The following RECK variants were observed in gnomAD, a reference collection of about 807,000 sequenced individuals.
RECK encodes reversion-inducing cysteine-rich protein with Kazal motifs.
RECK carries 69 observed loss-of-function variants against 115.1 expected under a neutral mutation model. The ratio of observed to expected loss-of-function variants is 0.60; its 90% CI spans 0.49 to 0.73. The LOEUF (loss-of-function observed/expected upper bound fraction) is 0.73. Among genes scored for constraint, RECK ranks in the 30% least tolerant of loss-of-function variants. The pLI is 0.00. For synonymous variants in RECK, 414 were observed against 419.7 expected, an observed-to-expected ratio of 0.99 and a Z score of 0.17; for missense variants, 1,047 against 1,203.7, an observed-to-expected ratio of 0.87 and a Z score of 1.93.
chr9:36,063,699 C>A, intron 4 of RECK, 96 bp from the exon 5 acceptor site: 2 of 1,119,078 alleles, frequency 1.8e-6, no homozygotes, highest in South Asian at 1.3e-5. Flanking sequence ...TTATGGACAG[C>A]TGCTTTGACT....
At chr9:36,075,549 C>G (rs1266743779) in intron 6 of RECK, among the ~76,000 whole-genome samples, 2 of 152,136 alleles carry the variant, frequency 1.3e-5, no homozygotes, top group Non-Finnish European at 2.9e-5. Context: ...GTCATCTATA[C>G]TTTTTGACAT....
At chr9:36,092,253 A>G (rs930861281) in intron 10 of RECK, among the ~76,000 whole-genome samples, 2 of 152,202 alleles carry the variant, frequency 1.3e-5, no homozygotes. Context: ...GTAATTGTGG[A>G]GTAGCTTGTA....
chr9:36,075,902 A>AT (rs140096111), intron 6 of RECK, among the ~76,000 whole-genome samples: 3 of 151,714 alleles, frequency 2.0e-5, no homozygotes, highest in South Asian at 4.2e-4. Context: ...CAAACCTGTA[A>AT]TTTTTTTTTA....
intron 1 of RECK, among the ~76,000 whole-genome samples, chr9:36,048,759 T>G (rs1173154033): frequency 6.6e-6 from 1 of 152,202 alleles, no homozygotes; most frequent in Admixed American, 6.5e-5. Context: ...AAAACCCACA[T>G]GCCCTTCCAG....
intron 17 of RECK, among the ~76,000 whole-genome samples, chr9:36,118,025 A>G (rs1824327059): frequency 6.6e-6 from 1 of 152,144 alleles, no homozygotes; most frequent in Admixed American, 6.6e-5. Context: ...GGCTTCTCAC[A>G]TGCACCACTG....
At chr9:36,058,651 A>G (rs1029265432) in intron 2 of RECK, among the ~76,000 whole-genome samples, 176 bp from the exon 3 acceptor site, 1 of 150,024 alleles carries the variant, frequency 6.7e-6, no homozygotes, top group African/African-American at 2.4e-5. Flanking sequence ...TTAAAGTATA[A>G]TAATAATTAA....
chr9:36,074,419 C>T (rs1822365847), intron 6 of RECK, among the ~76,000 whole-genome samples: 1 of 152,150 alleles, frequency 6.6e-6, no homozygotes, highest in Non-Finnish European at 1.5e-5. Flanking sequence ...GCAAGAAGCT[C>T]ATAGTCCATG....
At chr9:36,081,485 CCA>C (rs1822687535) in intron 7 of RECK, among the ~76,000 whole-genome samples, 1 of 152,128 alleles carries the variant, frequency 6.6e-6, no homozygotes, top group Non-Finnish European at 1.5e-5. Context: ...CCATTCCCCA[CCA>C]CCACCCCCAA....
intron 10 of RECK, among the ~76,000 whole-genome samples, chr9:36,096,833 T>G (rs1823359905): frequency 6.6e-6 from 1 of 152,110 alleles, no homozygotes; most frequent in South Asian, 2.1e-4. Context: ...GTAAAATCTT[T>G]TGTTTGCCAA....
At chr9:36,042,738 T>C (rs1338291911) in intron 1 of RECK, among the ~76,000 whole-genome samples, 1 of 152,198 alleles carries the variant, frequency 6.6e-6, no homozygotes, top group Non-Finnish European at 1.5e-5. Context: ...TTTTAGTTCT[T>C]TAAGGAATCT....
chr9:36,118,668 C>T, intron 17 of RECK, 89 bp from the exon 18 acceptor site: 4 of 1,259,468 alleles, frequency 3.2e-6, no homozygotes, highest in Admixed American at 4.4e-5. Context: ...TTTTTCCTTC[C>T]TGAAAATAGG....
chr9:36,057,417 G>A (rs1211153919), intron 2 of RECK, among the ~76,000 whole-genome samples: 1 of 152,028 alleles, frequency 6.6e-6, no homozygotes, highest in African/African-American at 2.4e-5. Context: ...AATAGAAAAG[G>A]GTCTAGACTT....
intron 1 of RECK, among the ~76,000 whole-genome samples, chr9:36,042,423 A>AGTGTGTGT (rs35193636): frequency 0.014 from 1,975 of 144,438 alleles, 19 homozygotes; most frequent in Non-Finnish European, 0.022. Context: ...AGTATTCCAT[A>AGTGTGTGT]GTGTGTGTGT....
Position 36,100,340 on chromosome 9 carries a change from A to G in RECK, c.1095A>G (p.Glu365=). ...YCTNFNNRPT[E]LFRSCNAQSD... ...CCTTTTTTCTCTTTAGGCCAACAGA[A>G]CTTTTCAGGAGTTGTAATGCACAGT... Residue 365 remains glutamate (E), a synonymous_variant, in exon 11 of 21, where the codon GAA becomes GAG. Transcript: ENST00000377966. 6.2e-7 allele frequency: 1 copy of G among 1,613,868 alleles called. No homozygotes were observed. The highest frequency in any genetic ancestry group is 8.5e-7 in the Non-Finnish European group (1 of 1,179,862).
chr9:36,064,748 A>G (rs2132590208), intron 5 of RECK, among the ~76,000 whole-genome samples: 1 of 150,516 alleles, frequency 6.6e-6, no homozygotes, highest in Admixed American at 6.6e-5. Flanking sequence ...AGTGAGTTGT[A>G]AAACAGTTGC....
intron 6 of RECK, among the ~76,000 whole-genome samples, chr9:36,068,526 C>T (rs979099230): frequency 2.0e-5 from 3 of 152,122 alleles, no homozygotes; most frequent in Admixed American, 1.3e-4. Context: ...AAAGAAAATA[C>T]GGAATGCTCA....
chr9:36,103,548 A>C (rs903688829), intron 12 of RECK, among the ~76,000 whole-genome samples: 3 of 152,230 alleles, frequency 2.0e-5, no homozygotes, highest in Non-Finnish European at 4.4e-5. Flanking sequence ...AAAACTGAGA[A>C]AGGTTATTTT....
intron 1 of RECK, among the ~76,000 whole-genome samples, chr9:36,039,709 C>G (rs1267367635): frequency 6.6e-6 from 1 of 152,152 alleles, no homozygotes; most frequent in Non-Finnish European, 1.5e-5. Context: ...GGCCAGGTTT[C>G]AGTAAGTTGA....
In RECK at chr9:36,087,172, G is replaced by GA. The variant is rs367967852; in HGVS notation, c.638-512dup. 3.4e-3 allele frequency among the ~76,000 whole-genome samples: 501 copies of GA among 146,376 alleles called. 17 individuals are homozygous for GA. The East Asian group carries it at 0.072, about 21-fold the overall frequency. ...TGCTAAGCAGAGCATGACAAAAAAA[G>GA]AAAAAAAAAACATGCACACATATGT... On this transcript the variant is annotated intron_variant, in intron 8 of 20. Coordinates refer to ENST00000377966, the MANE Select transcript of RECK (RefSeq NM_021111.3).
Sources: gnomAD v4.1 joint callset for allele counts (sites outside exome capture counted in the v4.1 genomes callset) on GRCh38, gnomAD v4.1.1 for gene constraint, MANE v1.5 for transcripts, NCBI Gene and HGNC (gene_info 2026-07-23, HGNC 2026-07-21) for gene names.